GPHN: variants seen among roughly 807,000 people sequenced by gnomAD.
The protein encoded by GPHN is gephyrin.
A neutral mutation model predicts 95.5 loss-of-function variants in GPHN; 17 were observed. The ratio of observed to expected loss-of-function variants is 0.18; its 90% CI spans 0.12 to 0.27. GPHN has a LOEUF of 0.27. Ranked by LOEUF, GPHN falls within the 10% of genes least tolerant of loss-of-function variation. The probability of loss-of-function intolerance (pLI) is 1.00; values close to 1 mark genes in which losing one functional copy is unlikely to be tolerated. For missense variants in GPHN, 660 were observed against 978.1 expected, an observed-to-expected ratio of 0.67 and a Z score of 4.34; for synonymous variants, 320 against 322.5, an observed-to-expected ratio of 0.99 and a Z score of 0.08.
chr14:67,323,628 A>C, the GPHN span: 1 of 323,328 alleles, frequency 3.1e-6, no homozygotes. Flanking sequence ...ATATATATAT[A>C]TATATATATC....
the GPHN span, among the ~76,000 whole-genome samples, chr14:67,289,148 T>G: frequency 6.6e-6 from 1 of 151,146 alleles, no homozygotes; most frequent in Non-Finnish European, 1.5e-5. Context: ...TGCATTTTTT[T>G]GTAGACCTGG....
At chr14:67,687,675 T>C in the GPHN span, among the ~76,000 whole-genome samples, 1 of 152,022 alleles carries the variant, frequency 6.6e-6, no homozygotes, top group Non-Finnish European at 1.5e-5. Context: ...TTCTCCATGT[T>C]GGTCAGGCTG....
intron 5 of GPHN, among the ~76,000 whole-genome samples, chr14:66,913,834 T>C (rs1029401934): frequency 6.6e-6 from 1 of 152,204 alleles, no homozygotes; most frequent in South Asian, 2.1e-4. Context: ...AAAACTTTGG[T>C]GCTTATAGTT....
At chr14:67,204,273 C>CA in the GPHN span, among the ~76,000 whole-genome samples, 11 of 151,986 alleles carry the variant, frequency 7.2e-5, no homozygotes, top group Admixed American at 1.3e-4. Context: ...CTTGTCTCTA[C>CA]AAAAAAATGC....
At chr14:66,577,294 T>C (rs139092140) in intron 1 of GPHN, among the ~76,000 whole-genome samples, 277 of 152,238 alleles carry the variant, frequency 1.8e-3, no homozygotes, top group African/African-American at 6.3e-3. Flanking sequence ...TACAGTGATT[T>C]CAGGGTGAGG....
At chr14:67,257,336 G>T in the GPHN span, among the ~76,000 whole-genome samples, 1 of 152,072 alleles carries the variant, frequency 6.6e-6, no homozygotes, top group African/African-American at 2.4e-5. Flanking sequence ...ATTTCCTTGT[G>T]GGCAAATGGT....
chr14:67,691,023 A>G, the GPHN span: 1 of 725,026 alleles, frequency 1.4e-6, no homozygotes, highest in Non-Finnish European at 2.5e-6. Flanking sequence ...TTATGCACAC[A>G]TGGTCTATTA....
the GPHN span, among the ~76,000 whole-genome samples, chr14:67,429,868 C>G: frequency 6.6e-6 from 1 of 152,204 alleles, no homozygotes; most frequent in African/African-American, 2.4e-5. Flanking sequence ...ATTCTTTCAA[C>G]AGCGCTACAA....
intron 1 of GPHN, among the ~76,000 whole-genome samples, chr14:66,658,549 G>A (rs910941871): frequency 6.6e-6 from 1 of 152,128 alleles, no homozygotes; most frequent in African/African-American, 2.4e-5. Flanking sequence ...ACCATGATGA[G>A]TTAGCAGCCA....
At chr14:67,134,661 C>T (rs113150214) in intron 17 of GPHN, among the ~76,000 whole-genome samples, 81 of 152,262 alleles carry the variant, frequency 5.3e-4, no homozygotes, top group African/African-American at 1.7e-3. Flanking sequence ...GAGTTGTATA[C>T]TGCTGCATCA....
the GPHN span, among the ~76,000 whole-genome samples, chr14:67,315,535 C>T: frequency 6.6e-6 from 1 of 152,150 alleles, no homozygotes; most frequent in East Asian, 1.9e-4. Flanking sequence ...CTTGGCCTCT[C>T]AAAGTGTTGG....
the GPHN span, among the ~76,000 whole-genome samples, chr14:67,480,524 A>AC: frequency 6.6e-6 from 1 of 151,960 alleles, no homozygotes; most frequent in Non-Finnish European, 1.5e-5. Flanking sequence ...TTAACCTCCT[A>AC]CCCCCGGGCA....
At chr14:67,095,399 T>C (rs971027607) in intron 12 of GPHN, among the ~76,000 whole-genome samples, 5 of 152,152 alleles carry the variant, frequency 3.3e-5, no homozygotes, top group African/African-American at 1.2e-4. Flanking sequence ...GAACTAGAAA[T>C]ACCATTTGGC....
At chr14:66,625,928 T>C (rs2063510020) in intron 1 of GPHN, among the ~76,000 whole-genome samples, 2 of 152,226 alleles carry the variant, frequency 1.3e-5, no homozygotes, top group African/African-American at 4.8e-5. Context: ...GACTTCATTG[T>C]AGGGTTATTA....
chr14:66,648,880 A>G (rs1428831907), intron 1 of GPHN, among the ~76,000 whole-genome samples: 1 of 152,190 alleles, frequency 6.6e-6, no homozygotes, highest in Non-Finnish European at 1.5e-5. Flanking sequence ...CTGTTCCCTA[A>G]CAGATAAGTG....
the GPHN span, among the ~76,000 whole-genome samples, chr14:67,367,519 A>G: frequency 6.6e-6 from 1 of 152,164 alleles, no homozygotes; most frequent in Non-Finnish European, 1.5e-5. Flanking sequence ...GTGAGCCACC[A>G]CGCCCCACCC....
At chr14:66,940,588 C>G (rs1401754082) in intron 8 of GPHN, among the ~76,000 whole-genome samples, 1 of 152,200 alleles carries the variant, frequency 6.6e-6, no homozygotes, top group Non-Finnish European at 1.5e-5. Flanking sequence ...TTGAATTCCC[C>G]AGACCCCATT....
the GPHN span, among the ~76,000 whole-genome samples, chr14:67,323,117 TG>T: frequency 6.6e-6 from 1 of 152,200 alleles, no homozygotes; most frequent in East Asian, 1.9e-4. Context: ...ATCACATAGT[TG>T]TCATCCTTCA....
At chr14:66,617,687 T>A (rs1054691923) in intron 1 of GPHN, among the ~76,000 whole-genome samples, 16 of 152,324 alleles carry the variant, frequency 1.1e-4, no homozygotes, top group African/African-American at 3.8e-4. Context: ...GGAATTTCCC[T>A]TTTTCCTAGG....
Sources: allele counts gnomAD v4.1 joint callset (sites outside exome capture counted in the v4.1 genomes callset), GRCh38; gene constraint gnomAD v4.1.1; transcripts MANE v1.5; gene names NCBI Gene and HGNC (gene_info 2026-07-23, HGNC 2026-07-21).